The following FHIT variants were observed in gnomAD, a reference collection of about 807,000 sequenced individuals.
The protein encoded by FHIT is bis(5'-adenosyl)-triphosphatase.
A neutral mutation model predicts 17.9 loss-of-function variants in FHIT; 19 were observed. That is an observed-to-expected ratio of 1.06 (90% CI 0.74 to 1.56). The LOEUF is 1.56. Ranked by LOEUF, FHIT falls within the 40% of genes most tolerant of loss-of-function variation. The pLI, the probability that FHIT is intolerant of heterozygous loss-of-function variation, is 0.00. For synonymous variants in FHIT, 81 were observed against 69.7 expected (o/e 1.16, Z -0.81); for missense variants, 248 against 189.2 (o/e 1.31, Z -1.82).
At chr3:61,187,420 G>C (rs1223387512) in intron 2 of FHIT, among the ~76,000 whole-genome samples, 1 of 152,070 alleles carries the variant, frequency 6.6e-6, no homozygotes, top group Non-Finnish European at 1.5e-5. Flanking sequence ...GGAGCACCCA[G>C]ATTCATAAAG....
chr3:60,414,834 C>A (rs1702186564), intron 5 of FHIT, among the ~76,000 whole-genome samples: 1 of 152,058 alleles, frequency 6.6e-6, no homozygotes, highest in South Asian at 2.1e-4. Context: ...AAGAAGATAC[C>A]CTTGACCTCA....
At chr3:60,217,091 C>G (rs928505559) in intron 5 of FHIT, among the ~76,000 whole-genome samples, 1 of 152,136 alleles carries the variant, frequency 6.6e-6, no homozygotes, top group African/African-American at 2.4e-5. Context: ...GAATAATTTT[C>G]TTTTAAAAGT....
chr3:60,130,809 G>C (rs1281563887), intron 5 of FHIT, among the ~76,000 whole-genome samples: 2 of 148,824 alleles, frequency 1.3e-5, no homozygotes, highest in Non-Finnish European at 3.0e-5. Context: ...ACATATATAT[G>C]TGTGTATGTG....
At chr3:60,397,623 G>A (rs1701499215) in intron 5 of FHIT, among the ~76,000 whole-genome samples, 1 of 152,140 alleles carries the variant, frequency 6.6e-6, no homozygotes, top group Non-Finnish European at 1.5e-5. Flanking sequence ...CATTTTTATG[G>A]TGCCACATCA....
At chr3:61,222,004 C>G (rs139639808) in intron 1 of FHIT, among the ~76,000 whole-genome samples, 49 of 152,326 alleles carry the variant, frequency 3.2e-4, no homozygotes, top group African/African-American at 9.4e-4. Context: ...CAGGGTCAGG[C>G]AGCAGCCTCT....
intron 4 of FHIT, among the ~76,000 whole-genome samples, chr3:60,650,159 T>C (rs1276345585): frequency 6.6e-6 from 1 of 152,222 alleles, no homozygotes; most frequent in Non-Finnish European, 1.5e-5. Context: ...TGTCTCATTG[T>C]TCAAGTGGAT....
At chr3:60,521,542 C>T (rs1429502780) in intron 5 of FHIT, among the ~76,000 whole-genome samples, 4 of 152,088 alleles carry the variant, frequency 2.6e-5, no homozygotes, top group Admixed American at 6.5e-5. Context: ...CCACTGTGCC[C>T]GGCCAAAAGT....
At chr3:60,247,831 G>C (rs975127328) in intron 5 of FHIT, among the ~76,000 whole-genome samples, 1 of 152,116 alleles carries the variant, frequency 6.6e-6, no homozygotes, top group African/African-American at 2.4e-5. Flanking sequence ...TTAAATGAAA[G>C]AATGCAGTTA....
chr3:60,860,497 TATCAG>T (rs1703683725), intron 3 of FHIT, among the ~76,000 whole-genome samples: 2 of 125,412 alleles, frequency 1.6e-5, no homozygotes, highest in African/African-American at 6.4e-5. Context: ...GTATCATATA[TATCAG>T]GTATATATGA....
chr3:60,861,186 G>GATATATATGATATATC (rs376224615), intron 3 of FHIT, among the ~76,000 whole-genome samples: 2 of 9,874 alleles, frequency 2.0e-4, no homozygotes, highest in Non-Finnish European at 4.0e-4. Context: ...TGATATATAT[G>GATATATATGATATATC]ATATATATCA....
intron 5 of FHIT, among the ~76,000 whole-genome samples, chr3:60,121,615 C>T (rs966168227): frequency 2.6e-5 from 4 of 151,792 alleles, no homozygotes; most frequent in East Asian, 1.9e-4. Flanking sequence ...ACCAAGGAGG[C>T]GGAGGTGGCA....
At chr3:60,724,654 T>C (rs913084462) in intron 4 of FHIT, among the ~76,000 whole-genome samples, 1 of 140,456 alleles carries the variant, frequency 7.1e-6, no homozygotes, top group Non-Finnish European at 1.5e-5. Flanking sequence ...TCTGTTTTTT[T>C]TTTTTGTTTT....
chr3:61,228,404 C>T (rs1576263929), intron 1 of FHIT, among the ~76,000 whole-genome samples: 1 of 152,194 alleles, frequency 6.6e-6, no homozygotes, highest in African/African-American at 2.4e-5. Context: ...AGTTAAATAT[C>T]CTGGCCCAAG....
chr3:60,724,348 T>C (rs1014186175), intron 4 of FHIT, among the ~76,000 whole-genome samples: 2 of 152,202 alleles, frequency 1.3e-5, no homozygotes, highest in African/African-American at 4.8e-5. Context: ...TTTCATTGCA[T>C]GGATATACCA....
chr3:61,054,841 T>C (rs536182515), intron 2 of FHIT, among the ~76,000 whole-genome samples: 1 of 152,254 alleles, frequency 6.6e-6, no homozygotes, highest in Admixed American at 6.5e-5. Flanking sequence ...AGGATTACTC[T>C]TTCACACCCT....
intron 5 of FHIT, among the ~76,000 whole-genome samples, chr3:60,019,842 A>T (rs958039155): frequency 6.6e-6 from 1 of 152,170 alleles, no homozygotes; most frequent in Admixed American, 6.5e-5. Flanking sequence ...TTGGAGCTCA[A>T]CTGGTGAGCT....
chr3:60,335,237 A>G (rs946093170), intron 5 of FHIT, among the ~76,000 whole-genome samples: 1 of 152,174 alleles, frequency 6.6e-6, no homozygotes, highest in Non-Finnish European at 1.5e-5. Context: ...AATTCCTATA[A>G]ACTTAAAATT....
rs367780188 is a variant in FHIT at position 60,956,068 on chromosome 3, A to G, written c.-111+85979T>C. Among the ~76,000 whole-genome samples, 24 of 152,310 alleles carry G rather than the reference A, an allele frequency of 1.6e-4. 1 individual carries two copies. In the South Asian group the frequency reaches 2.1e-3, roughly 13 times the overall value. On this transcript the variant is annotated intron_variant, in intron 3 of 9. Transcript: ENST00000492590. ...TGTCCTCATGCAACTAGAATAGTCC[A>G]AAGGTTTCTAACAGTCAACTCATGT...
At chr3:60,963,024 C>T (rs573818045) in intron 3 of FHIT, among the ~76,000 whole-genome samples, 31 of 152,202 alleles carry the variant, frequency 2.0e-4, no homozygotes, top group Non-Finnish European at 3.5e-4. Context: ...CTCTTTGTAC[C>T]TCCGGTAGAA....
Sources: allele counts gnomAD v4.1 joint callset (sites outside exome capture counted in the v4.1 genomes callset), GRCh38; gene constraint gnomAD v4.1.1; transcripts MANE v1.5; gene names NCBI Gene and HGNC (gene_info 2026-07-23, HGNC 2026-07-21).